Variants in KLHL15 observed in about 807,000 individuals in gnomAD.
KLHL15 encodes kelch-like protein 15.
A neutral mutation model predicts 29.3 loss-of-function variants in KLHL15; 1 was observed. The observed-to-expected ratio is 0.03, with a 90% confidence interval of 0.01 to 0.16. The LOEUF (loss-of-function observed/expected upper bound fraction) is 0.16, where lower values mean the gene tolerates loss of function less well. Ranked by LOEUF, KLHL15 falls within the 10% of genes least tolerant of loss-of-function variation. The pLI, the probability that KLHL15 is intolerant of heterozygous loss-of-function variation, is 1.00. For synonymous variants in KLHL15, 212 were observed against 184.5 expected, an observed-to-expected ratio of 1.15 and a Z score of -1.21; for missense variants, 215 against 478.5, an observed-to-expected ratio of 0.45 and a Z score of 5.14.
chrX:24,006,832 G>T, intron 2 of KLHL15, 132 bp from the exon 3 acceptor site: 1 of 492,741 alleles, frequency 2.0e-6, no homozygotes, highest in Non-Finnish European at 3.4e-6. Context: ...AAGTCCTTTG[G>T]GAGAAGACAA....
intron 3 of KLHL15, among the ~76,000 whole-genome samples, chrX:23,993,946 T>C (rs187934834): frequency 2.4e-3 from 249 of 104,558 alleles, no homozygotes; most frequent in African/African-American, 8.5e-3. Flanking sequence ...CTCGGGAGGA[T>C]GAAGTGGGAG....
intron 3 of KLHL15, among the ~76,000 whole-genome samples, chrX:23,996,274 G>A (rs1929187238): frequency 9.0e-6 from 1 of 111,482 alleles, no homozygotes; most frequent in African/African-American, 3.3e-5. Flanking sequence ...GTACAAGGAG[G>A]TATCAAGACT....
Position 23,988,808 on chromosome X carries a change from G to C in KLHL15, c.928C>G (p.Leu310Val). 1 of 1,211,534 alleles carries C rather than the reference G, an allele frequency of 8.3e-7. No homozygotes were observed. Among genetic ancestry groups the C allele is most frequent in the Non-Finnish European group, 1.1e-6 (1 of 895,400 alleles). ...LLKKPRVWWE[L>V]EGPQVPLRPD... is the part of the protein sequence containing the mutation. The stretch of plus-strand genomic sequence containing the variant: ...CGCAGAGGTACTTGTGGGCCTTCTA[G>C]CTCCCACCAGACTCTTGGTTTCTTT... The change falls in exon 4 of 4, where the codon CTA (leucine) becomes GTA (valine). Residue 310 changes from leucine to valine, a missense_variant. Coordinates refer to ENST00000328046, the MANE Select transcript of KLHL15 (RefSeq NM_030624.3).
chrX:23,991,445 G>A (rs1929083201), intron 3 of KLHL15, among the ~76,000 whole-genome samples: 1 of 109,957 alleles, frequency 9.1e-6, no homozygotes, highest in South Asian at 3.8e-4. Context: ...CTTGAACCCG[G>A]GAGGTGGAGG....
chrX:24,010,737 G>C (rs780686080), intron 2 of KLHL15, among the ~76,000 whole-genome samples: 1 of 111,263 alleles, frequency 9.0e-6, no homozygotes, highest in African/African-American at 3.3e-5. Context: ...CCTTCCCCTG[G>C]TTAGGTATTT....
chrX:23,991,435 C>T (rs1929082590), intron 3 of KLHL15, among the ~76,000 whole-genome samples: 1 of 109,444 alleles, frequency 9.1e-6, no homozygotes, highest in Non-Finnish European at 1.9e-5. Context: ...AGAAGAATCG[C>T]TTGAACCCGG....
intron 3 of KLHL15, among the ~76,000 whole-genome samples, chrX:23,998,493 G>A (rs1002952057): frequency 1.8e-5 from 2 of 111,476 alleles, no homozygotes; most frequent in Admixed American, 9.5e-5. Flanking sequence ...TCCTGAACTC[G>A]TGATCTGCCC....
intron 2 of KLHL15, among the ~76,000 whole-genome samples, chrX:24,024,216 T>C (rs921324990): frequency 8.9e-6 from 1 of 111,993 alleles, no homozygotes; most frequent in Non-Finnish European, 1.9e-5. Flanking sequence ...ATTACAGATC[T>C]ATGGATTCAC....
chrX:24,000,463 AAAAT>A (rs1555975974), intron 3 of KLHL15, among the ~76,000 whole-genome samples: 1 of 105,534 alleles, frequency 9.5e-6, no homozygotes, highest in Non-Finnish European at 1.9e-5. Context: ...ACTCCATCTC[AAAAT>A]AAATAAATAA....
chrX:23,991,570 G>A (rs977284247), intron 3 of KLHL15, among the ~76,000 whole-genome samples: 1 of 111,240 alleles, frequency 9.0e-6, no homozygotes, highest in African/African-American at 3.3e-5. Flanking sequence ...GGCTGGGCGC[G>A]GTGGCTCATG....
At chrX:24,016,616 G>C (rs1929691300) in intron 2 of KLHL15, among the ~76,000 whole-genome samples, 1 of 110,424 alleles carries the variant, frequency 9.1e-6, no homozygotes, top group African/African-American at 3.3e-5. Flanking sequence ...GCAGTGAGCA[G>C]AGATGGCACC....
At chrX:23,992,764 T>C (rs1277383204) in intron 3 of KLHL15, among the ~76,000 whole-genome samples, 1 of 112,345 alleles carries the variant, frequency 8.9e-6, no homozygotes, top group Non-Finnish European at 1.9e-5. Context: ...TCTGATGCGC[T>C]GCACAGAGAG....
intron 3 of KLHL15, among the ~76,000 whole-genome samples, chrX:23,997,979 T>C (rs1432945628): frequency 9.1e-6 from 1 of 109,831 alleles, no homozygotes; most frequent in Admixed American, 9.8e-5. Flanking sequence ...AAATAATGTT[T>C]GAGACGGAGT....
rs745561590 is a variant in KLHL15, at chrX:23,994,828, A to T, written c.706-5798T>A. 3.7e-4 allele frequency among the ~76,000 whole-genome samples: 41 copies of T among 111,244 alleles called. No individual in the cohort carries two copies. In the South Asian group the frequency reaches 4.5e-3, roughly 12 times the overall value. On this transcript the variant is annotated intron_variant, in intron 3 of 3. Coordinates refer to ENST00000328046, the MANE Select transcript of KLHL15 (RefSeq NM_030624.3). ...TATAATTTCAGTGGTCTGAAAAAAA[A>T]TTTTTTTAATTTACTGATTATTTAA...
Position 23,988,143 on chromosome X carries a change from A to G in KLHL15, c.1593T>C (p.Gly531=). 8.3e-7 allele frequency: 1 copy of G among 1,211,501 alleles called. No individual in the cohort carries two copies. The highest frequency in any genetic ancestry group is 1.1e-6 in the Non-Finnish European group (1 of 895,286). ...GCACAGTCACACCATGGCCACTTCTACCAATCGGCATGGATGCCAAGATGG... is the reference window on the plus strand; with the variant it reads ...GCACAGTCACACCATGGCCACTTCTGCCAATCGGCATGGATGCCAAGATGG... The part of the protein sequence containing the change: ...QWTILASMPI[G]RSGHGVTVLD... The change falls in exon 4 of 4, where the codon GGT becomes GGC. Residue 531 remains glycine, a synonymous_variant. Transcript: ENST00000328046.
chrX:24,017,382 T>C (rs757604918), intron 2 of KLHL15, among the ~76,000 whole-genome samples: 112 of 110,554 alleles, frequency 1.0e-3, no homozygotes, highest in African/African-American at 3.5e-3. Context: ...ATCATCTTAT[T>C]ATCAAGTTAG....
intron 2 of KLHL15, among the ~76,000 whole-genome samples, chrX:24,018,289 TAA>T (rs1412443779): frequency 8.9e-6 from 1 of 111,925 alleles, no homozygotes; most frequent in African/African-American, 3.2e-5. Context: ...AAGAACTCTT[TAA>T]ATGAGTGCTG....
At chrX:24,003,247 A>C (rs1312267531) in intron 3 of KLHL15, among the ~76,000 whole-genome samples, 2 of 111,301 alleles carry the variant, frequency 1.8e-5, no homozygotes, top group African/African-American at 6.5e-5. Context: ...TAAAATGGGG[A>C]TAACATGTAG....
chrX:24,001,671 G>A (rs1929318396), intron 3 of KLHL15, among the ~76,000 whole-genome samples: 1 of 106,876 alleles, frequency 9.4e-6, no homozygotes, highest in Admixed American at 1.0e-4. Context: ...GGGCGTGATG[G>A]CACACACCTG....
Sources: allele counts gnomAD v4.1 joint callset (sites outside exome capture counted in the v4.1 genomes callset), GRCh38; gene constraint gnomAD v4.1.1; transcripts MANE v1.5; gene names NCBI Gene and HGNC (gene_info 2026-07-23, HGNC 2026-07-21).